Variants in IRX3 observed in about 807,000 individuals in gnomAD.
IRX3 encodes the protein iroquois homeobox 3, also known as iroquois-class homeodomain protein IRX-3.
IRX3 carries 20 observed loss-of-function variants against 36.4 expected under a neutral mutation model. That is an observed-to-expected ratio of 0.55 (90% CI 0.39 to 0.80). IRX3 has a LOEUF of 0.80. Among genes scored for constraint, IRX3 ranks in the 30% least tolerant of loss-of-function variants. The probability of loss-of-function intolerance (pLI) is 0.00; values close to 1 mark genes in which losing one functional copy is unlikely to be tolerated. For missense variants in IRX3, 718 were observed against 733.2 expected (o/e 0.98, Z 0.24); for synonymous variants, 404 against 351.6 (o/e 1.15, Z -1.67).
rs1055335431 is a variant in IRX3, at chr16:54,286,359, C to T, written c.-309G>A. 1.0e-6 allele frequency: 1 copy of T among 987,804 alleles called. No individual in the cohort carries two copies. The highest frequency in any genetic ancestry group is 1.2e-6 in the Non-Finnish European group (1 of 831,688). 61.2% of individuals were successfully genotyped at this position (987,804 alleles called of 1,614,324 possible). ...CTGCGCCGCGCTCCCTCCTCTCGGC[C>T]GCCGGAGCTGCCTCTGCCCGCTCCT... On this transcript the variant is annotated 5_prime_UTR_variant, in exon 1 of 4. Transcript: ENST00000329734.
chr16:54,285,158 C>A lies in IRX3; in HGVS notation c.723G>T (p.Gly241=), dbSNP rs1464840402. Residue 241 remains glycine, a synonymous_variant, in exon 2 of 4, where the codon GGG becomes GGT. Transcript: ENST00000329734. The surrounding 1 kb of genome is among the most constrained non-coding windows in gnomAD (Gnocchi z 5.7). Reference sequence around the variant, plus strand: ...CGTCGTCGTCAGCCAGGCCCTCGCCCCCCGTGTCCTCCTCCTCCCCCCCGA... The same window carrying A: ...CGTCGTCGTCAGCCAGGCCCTCGCCACCCGTGTCCTCCTCCTCCCCCCCGA... The part of the protein sequence containing the change: ...EELGGEEEDT[G]GEGLADDDED... The A allele has an allele frequency of 1.2e-6, 2 of 1,607,454 alleles. No individual in the cohort carries two copies. Among genetic ancestry groups the A allele is most frequent in the Non-Finnish European group, 1.7e-6 (2 of 1,177,092 alleles).
In IRX3 at chr16:54,284,872, C is replaced by T. The variant is rs1423452728; in HGVS notation, c.1009G>A (p.Ala337Thr). ...TGCAGGGCGGAGGCGGGGGCTGGTG[C>T]GGGAGCGCAGGGGTCCAGGCTCACG... ...PPVSLDPCAP[A>T]PAPASALQKP... The change falls in exon 2 of 4, where the codon GCA becomes ACA. Residue 337 changes from alanine (A) to threonine (T), a missense_variant. Physicochemically the swap from Ala to Thr is moderately conservative, Grantham distance 58. Coordinates refer to ENST00000329734, the MANE Select transcript of IRX3 (RefSeq NM_024336.3). The surrounding 1 kb of genome is among the most constrained non-coding windows in gnomAD (Gnocchi z 4.0). 3 of 1,546,800 alleles carry T rather than the reference C, an allele frequency of 1.9e-6. No individual in the cohort carries two copies. The highest frequency in any genetic ancestry group is 2.3e-5 in the East Asian group (1 of 43,184).
Position 54,286,203 on chromosome 16 carries a change from T to G in IRX3, c.-153A>C, listed in dbSNP as rs1178174107. On this transcript the variant is annotated 5_prime_UTR_variant, in exon 1 of 4. Coordinates refer to ENST00000329734, the MANE Select transcript of IRX3 (RefSeq NM_024336.3). The stretch of plus-strand genomic sequence containing the variant: ...GCTGTGCTCCGCGTTCGCCTATTGA[T>G]CTGCTCCGCGGCGGCGACGGCGGCG... The G allele has an allele frequency of 1.7e-5, 17 of 1,023,686 alleles. No individual in the cohort carries two copies. The African/African-American group carries it at 2.9e-4, about 18-fold the overall frequency. 63.4% of individuals were successfully genotyped at this position (1,023,686 alleles called of 1,614,324 possible).
chr16:54,285,542 C>A lies in IRX3; in HGVS notation c.339G>T (p.Pro113=). ...GGCCATACGGGTAGAAGGCGGGGTG[C>A]GGGTGCGGAAACGCGGCAGCCGCGG... The part of the protein sequence containing the change: ...HPAAAAAFPH[P]HPAFYPYGQY... Residue 113 remains proline, a synonymous_variant, in exon 2 of 4, where the codon CCG becomes CCT. Transcript: ENST00000329734. This position sits in a 1 kb window ranked among gnomAD's most constrained non-coding sequence, Gnocchi z 5.7. 2 of 1,607,342 alleles carry A rather than the reference C, an allele frequency of 1.2e-6. No individual in the cohort carries two copies. The highest frequency in any genetic ancestry group is 1.1e-5 in the South Asian group (1 of 90,446).
Position 54,285,699 on chromosome 16 carries a change from C to T in IRX3, c.267+85G>A. ...TCGCTGCCTCCCCCCTCCTGGCCTG[C>T]ACCCCTCTAGTCCGGCCCCCGCGCG... On this transcript the variant is annotated intron_variant, in intron 1 of 3. Coordinates refer to ENST00000329734, the MANE Select transcript of IRX3 (RefSeq NM_024336.3). This position sits in a 1 kb window ranked among gnomAD's most constrained non-coding sequence, Gnocchi z 5.7. 1 of 1,464,610 alleles carries T rather than the reference C, an allele frequency of 6.8e-7. No individual in the cohort carries two copies. The highest frequency in any genetic ancestry group is 9.0e-7 in the Non-Finnish European group (1 of 1,114,568). The allele number at this position is 1,464,610 out of a possible 1,614,324, so 90.7% of individuals were successfully genotyped here. A position where few individuals can be genotyped will look rare whatever the true frequency, so the allele number is the denominator to read the frequency against.
Position 54,286,469 on chromosome 16 carries a change from T to G in IRX3, c.-419A>C, listed in dbSNP as rs2144733418. On this transcript the variant is annotated 5_prime_UTR_variant, in exon 1 of 4. Transcript: ENST00000329734. ...TAGTTTTCACTCCCCCTCCTCGCCC[T>G]TCCTCTCCCCTCCCCTCTCCGCACT... 1 of 838,464 alleles carries G rather than the reference T, an allele frequency of 1.2e-6. No individual in the cohort carries two copies. Among genetic ancestry groups the G allele is most frequent in the African/African-American group, 1.9e-5 (1 of 53,944 alleles). The allele number at this position is 838,464 out of a possible 1,614,324, so 51.9% of individuals were successfully genotyped here.
In IRX3 at chr16:54,285,576, T is replaced by G; in HGVS notation, c.305A>C (p.Gln102Pro). Reference sequence around the variant, plus strand: ...AAACGCGGCAGCCGCGGCCGGATGCTGCACCCCGGGGCTGTCCTTCAGCTC... The same window carrying G: ...AAACGCGGCAGCCGCGGCCGGATGCGGCACCCCGGGGCTGTCCTTCAGCTC... ...QYELKDSPGV[Q>P]HPAAAAAFPH... Residue 102 changes from glutamine to proline, a missense_variant, in exon 2 of 4, where the codon CAG (glutamine) becomes CCG (proline). This residue lies in a region of IRX3 where 204 missense variants were observed against 181.4 expected (regional missense o/e 1.12). Coordinates refer to ENST00000329734, the MANE Select transcript of IRX3 (RefSeq NM_024336.3). The surrounding 1 kb of genome is among the most constrained non-coding windows in gnomAD (Gnocchi z 5.7). The G allele has an allele frequency of 6.3e-7, 1 of 1,579,100 alleles. No homozygotes were observed. Among genetic ancestry groups the G allele is most frequent in the Non-Finnish European group, 8.6e-7 (1 of 1,162,322 alleles).
At position 54,285,851 on chromosome 16, in the gene IRX3, G is replaced by C; in HGVS notation, c.200C>G (p.Ala67Gly). ...GGCGCCGTAGCCTTGGGCGGCGGCGGCCGCAGCGGCCGCGGCGTAGGGCGC... is the reference window on the plus strand; with the variant it reads ...GGCGCCGTAGCCTTGGGCGGCGGCGCCCGCAGCGGCCGCGGCGTAGGGCGC... Reference protein sequence around the residue: ...YGAPYAAAAAAAAAQGYGAFL... With the variant: ...YGAPYAAAAAGAAAQGYGAFL... The change falls in exon 1 of 4, where the codon GCC becomes GGC. Residue 67 changes from alanine (A) to glycine (G), a missense_variant. Physicochemically the swap from Ala to Gly is moderately conservative, Grantham distance 60. Transcript: ENST00000329734. The surrounding 1 kb of genome is among the most constrained non-coding windows in gnomAD (Gnocchi z 5.7). The C allele has an allele frequency of 1.3e-6, 2 of 1,544,580 alleles. No individual in the cohort carries two copies. The highest frequency in any genetic ancestry group is 1.7e-6 in the Non-Finnish European group (2 of 1,148,316).
At position 54,285,791 on chromosome 16, in the gene IRX3, G is replaced by C. The variant is rs1387582020; in HGVS notation, c.260C>G (p.Pro87Arg). 10 of 1,556,144 alleles carry C rather than the reference G, an allele frequency of 6.4e-6. No homozygotes were observed. The highest frequency in any genetic ancestry group is 8.6e-6 in the Non-Finnish European group (10 of 1,159,238). ...GGCTCCGCGGGCTCTTACCAGCTGC[G>C]GGAAGATGGGCAGCTCCGCGGCGTA... ...LPYAAELPIF[P>R]QLGAQYELKD... Residue 87 changes from proline to arginine, a missense_variant, in exon 1 of 4, where the codon CCG (proline) becomes CGG (arginine). Coordinates refer to ENST00000329734, the MANE Select transcript of IRX3 (RefSeq NM_024336.3). The surrounding 1 kb of genome is among the most constrained non-coding windows in gnomAD (Gnocchi z 5.7).
At position 54,284,033 on chromosome 16, in the gene IRX3, C is replaced by T. The variant is rs905106493; in HGVS notation, c.1451+213G>A. ...CCCTAGAAGGTACAAGCGCTGTACC[C>T]TCCGGCCGCGCCTGGGGTGCCTGGG... On this transcript the variant is annotated intron_variant, in intron 3 of 3. Coordinates refer to ENST00000329734, the MANE Select transcript of IRX3 (RefSeq NM_024336.3). The surrounding 1 kb of genome is among the most constrained non-coding windows in gnomAD (Gnocchi z 4.0). 2.9e-6 allele frequency: 4 copies of T among 1,362,004 alleles called. No homozygotes were observed. The East Asian group carries it at 7.6e-5, about 26-fold the overall frequency. The allele number at this position is 1,362,004 out of a possible 1,614,324, so 84.4% of individuals were successfully genotyped here. A position where few individuals can be genotyped will look rare whatever the true frequency, so the allele number is the denominator to read the frequency against.
Position 54,285,983 on chromosome 16 carries a change from G to A in IRX3, c.68C>T (p.Ala23Val). 7.3e-7 allele frequency: 1 copy of A among 1,371,198 alleles called. No homozygotes were observed. The highest frequency in any genetic ancestry group is 1.8e-5 in the South Asian group (1 of 54,240). 84.9% of individuals were successfully genotyped at this position (1,371,198 alleles called of 1,614,324 possible). A position where few individuals can be genotyped will look rare whatever the true frequency, so the allele number is the denominator to read the frequency against. The change falls in exon 1 of 4, where the codon GCT becomes GTT. Residue 23 changes from alanine (A) to valine (V), a missense_variant. Physicochemically the swap from Ala to Val is moderately conservative, Grantham distance 64 (BLOSUM62 0). Transcript: ENST00000329734. The surrounding 1 kb of genome is among the most constrained non-coding windows in gnomAD (Gnocchi z 5.7). ...PLYPSERPGAAGGSGGSAGAR... is the reference protein window; with the variant it reads ...PLYPSERPGAVGGSGGSAGAR... ...CCCCGCGCTGCCGCCGCTGCCGCCA[G>A]CGGCCCCCGGGCGCTCGGACGGGTA...
chr16:54,286,096 C>T lies in IRX3; in HGVS notation c.-46G>A. 6 of 1,216,486 alleles carry T rather than the reference C, an allele frequency of 4.9e-6. No individual in the cohort carries two copies. Among genetic ancestry groups the T allele is most frequent in the African/African-American group, 1.6e-5 (1 of 62,526 alleles). The allele number at this position is 1,216,486 out of a possible 1,614,324, so 75.4% of individuals were successfully genotyped here. On this transcript the variant is annotated 5_prime_UTR_variant, in exon 1 of 4. Coordinates refer to ENST00000329734, the MANE Select transcript of IRX3 (RefSeq NM_024336.3). ...CGGAGAGGGGGGCCGACCCCCGGGC[C>T]GCCCAGCTCAGCGCCGCCCGCGGGC...
At position 54,285,856 on chromosome 16, in the gene IRX3, A is replaced by G. The variant is rs1346196848; in HGVS notation, c.195T>C (p.Ala65=). The change falls in exon 1 of 4, where the codon GCT becomes GCC. Residue 65 remains alanine, a synonymous_variant. Coordinates refer to ENST00000329734, the MANE Select transcript of IRX3 (RefSeq NM_024336.3). The surrounding 1 kb of genome is among the most constrained non-coding windows in gnomAD (Gnocchi z 5.7). ...CGTAGCCTTGGGCGGCGGCGGCCGC[A>G]GCGGCCGCGGCGTAGGGCGCCCCGT... ...SVYGAPYAAA[A]AAAAAQGYGA... 2.6e-6 allele frequency: 4 copies of G among 1,543,838 alleles called. No homozygotes were observed. Among genetic ancestry groups the G allele is most frequent in the Non-Finnish European group, 1.7e-6 (2 of 1,147,912 alleles).
At position 54,285,305 on chromosome 16, in the gene IRX3, A is replaced by C; in HGVS notation, c.576T>G (p.Thr192=). The part of the protein sequence containing the change: ...RRRLKKENKM[T]WAPRSRTDEE... ...CGTCAGTGCGGCTGCGAGGCGCCCA[A>C]GTCATCTTATTCTCCTTCTTGAGGC... The change falls in exon 2 of 4, where the codon ACT becomes ACG. Residue 192 remains threonine (T), a synonymous_variant. Coordinates refer to ENST00000329734, the MANE Select transcript of IRX3 (RefSeq NM_024336.3). The surrounding 1 kb of genome is among the most constrained non-coding windows in gnomAD (Gnocchi z 5.7). 1 of 1,614,006 alleles carries C rather than the reference A, an allele frequency of 6.2e-7. No individual in the cohort carries two copies. The highest frequency in any genetic ancestry group is 8.5e-7 in the Non-Finnish European group (1 of 1,180,008).
chr16:54,286,031 C>A lies in IRX3; in HGVS notation c.20G>T (p.Gly7Val). 1.5e-6 allele frequency: 2 copies of A among 1,322,442 alleles called. No individual in the cohort carries two copies. The highest frequency in any genetic ancestry group is 9.6e-7 in the Non-Finnish European group (1 of 1,038,576). 81.9% of individuals were successfully genotyped at this position (1,322,442 alleles called of 1,614,324 possible). A position where few individuals can be genotyped will look rare whatever the true frequency, so the allele number is the denominator to read the frequency against. MSFPQL[G>V]YQYIRPLYPS... ...GTAAAGCGGGCGGATGTATTGGTATCCCAGCTGGGGGAAGGACATGGTGGC... is the reference window on the plus strand; with the variant it reads ...GTAAAGCGGGCGGATGTATTGGTATACCAGCTGGGGGAAGGACATGGTGGC... The change falls in exon 1 of 4, where the codon GGA becomes GTA. Residue 7 changes from glycine to valine, a missense_variant. By Grantham distance (109) the Gly-to-Val change is moderately radical. Around this residue, in one of 3 missense-constraint regions of IRX3, gnomAD observed 204 missense variants for 181.4 expected, o/e 1.12. Transcript: ENST00000329734.
chr16:54,284,593 A>G lies in IRX3; in HGVS notation c.1288T>C (p.Ser430Pro). The change falls in exon 2 of 4, where the codon TCT (serine) becomes CCT (proline). Residue 430 changes from serine to proline, a missense_variant. By Grantham distance (74) the Ser-to-Pro change is moderately conservative. This residue lies in a region of IRX3 where 468 missense variants were observed against 462.1 expected (regional missense o/e 1.01). Coordinates refer to ENST00000329734, the MANE Select transcript of IRX3 (RefSeq NM_024336.3). This position sits in a 1 kb window ranked among gnomAD's most constrained non-coding sequence, Gnocchi z 4.0. ...AGTCCCAGCAGGTGCGGAGGGGCAG[A>G]GCCCAGCAGGGAGAGCGGGTGCAGG... The part of the protein sequence containing the change: ...PRLHPLSLLG[S>P]APPHLLGLPG... The G allele has an allele frequency of 7.2e-7, 1 of 1,387,212 alleles. No individual in the cohort carries two copies. Among genetic ancestry groups the G allele is most frequent in the Non-Finnish European group, 9.2e-7 (1 of 1,083,104 alleles). The allele number at this position is 1,387,212 out of a possible 1,614,324, so 85.9% of individuals were successfully genotyped here.
In IRX3 at chr16:54,284,791, G is replaced by C; in HGVS notation, c.1090C>G (p.Arg364Gly). ...ETATSPDNPR[R>G]SPPGAGGSPP... ...GACCCCCCCGCGCCGGGAGGCGAGC[G>C]GCGCGGGTTGTCCGGGCTTGTGGCA... The change falls in exon 2 of 4, where the codon CGC becomes GGC. Residue 364 changes from arginine (R) to glycine (G), a missense_variant. Physicochemically the swap from Arg to Gly is moderately radical, Grantham distance 125 (BLOSUM62 -2). Transcript: ENST00000329734. The surrounding 1 kb of genome is among the most constrained non-coding windows in gnomAD (Gnocchi z 4.0). 1 of 1,466,380 alleles carries C rather than the reference G, an allele frequency of 6.8e-7. No individual in the cohort carries two copies. Among genetic ancestry groups the C allele is most frequent in the Non-Finnish European group, 8.9e-7 (1 of 1,120,068 alleles). The allele number at this position is 1,466,380 out of a possible 1,614,324, so 90.8% of individuals were successfully genotyped here.
In IRX3 at chr16:54,284,354, C is replaced by A. The variant is rs780886151; in HGVS notation, c.1385-42G>T. 5 of 1,580,000 alleles carry A rather than the reference C, an allele frequency of 3.2e-6. No individual in the cohort carries two copies. The highest frequency in any genetic ancestry group is 4.3e-6 in the Non-Finnish European group (5 of 1,166,660). On this transcript the variant is annotated intron_variant, in intron 2 of 3. Transcript: ENST00000329734. This position sits in a 1 kb window ranked among gnomAD's most constrained non-coding sequence, Gnocchi z 4.0. ...AAGAAAAAGGAGGGCCTTTAGAGCGCTCGGTGCCGGCGCCCAGGGCCGCAG... is the reference window on the plus strand; with the variant it reads ...AAGAAAAAGGAGGGCCTTTAGAGCGATCGGTGCCGGCGCCCAGGGCCGCAG...
Position 54,284,989 on chromosome 16 carries a change from C to G in IRX3, c.892G>C (p.Glu298Gln). The G allele has an allele frequency of 6.2e-7, 1 of 1,613,364 alleles. No homozygotes were observed. The highest frequency in any genetic ancestry group is 8.5e-7 in the Non-Finnish European group (1 of 1,179,898). Residue 298 changes from glutamate to glutamine, a missense_variant, in exon 2 of 4, where the codon GAG becomes CAG. Transcript: ENST00000329734. The surrounding 1 kb of genome is among the most constrained non-coding windows in gnomAD (Gnocchi z 4.0). ...GGTAGTGGCCGGTCCTCTAAGCCCTCAGAGCTATCTTCCGAGTCGCTATTT... is the reference window on the plus strand; with the variant it reads ...GGTAGTGGCCGGTCCTCTAAGCCCTGAGAGCTATCTTCCGAGTCGCTATTT... ...SKNSDSEDSS[E>Q]GLEDRPLPVL... is the part of the protein sequence containing the mutation.
Sources: gnomAD v4.1 joint callset for allele counts on GRCh38, gnomAD v4.1.1 for gene constraint, gnomAD v4.1.1 regional missense constraint, Gnocchi (gnomAD v3.1) non-coding constraint, MANE v1.5 for transcripts, NCBI Gene and HGNC (gene_info 2026-07-23, HGNC 2026-07-21) for gene names.